The following ANAPC1 variants were observed in gnomAD, a reference collection of about 807,000 sequenced individuals.
ANAPC1 encodes the protein anaphase promoting complex subunit 1, also known as anaphase-promoting complex subunit 1.
A neutral mutation model predicts 208.0 loss-of-function variants in ANAPC1; 36 were observed. That is an observed-to-expected ratio of 0.17 (90% CI 0.13 to 0.23). ANAPC1 has a LOEUF of 0.23. Among genes scored for constraint, ANAPC1 ranks in the 10% least tolerant of loss-of-function variants. The pLI is 1.00. For synonymous variants in ANAPC1, 378 were observed against 695.2 expected (o/e 0.54, Z 7.18); for missense variants, 942 against 2,011.6 (o/e 0.47, Z 10.17).
In ANAPC1 at chr2:111,831,846, A is replaced by AAAAAAAAG. The variant is rs4019125; in HGVS notation, c.2477-413_2477-412insCTTTTTTT. 9.1e-5 allele frequency among the ~76,000 whole-genome samples: 8 copies of AAAAAAAAG among 88,258 alleles called. 1 individual carries two copies. Among genetic ancestry groups the AAAAAAAAG allele is most frequent in the South Asian group, 4.2e-4 (1 of 2,402 alleles). The allele number at this position is 88,258 out of a possible 152,430, so 57.9% of individuals were successfully genotyped here. A position where few individuals can be genotyped will look rare whatever the true frequency, so the allele number is the denominator to read the frequency against. On this transcript the variant is annotated intron_variant, in intron 20 of 47. Transcript: ENST00000341068. ...TGTCTCAAAAAAAAAAAAAAAAAAAAGAATAACGTTTTTCCATATTCTCCA... is the reference window on the plus strand; with the variant it reads ...TGTCTCAAAAAAAAAAAAAAAAAAAAAAAAAAAGGAATAACGTTTTTCCATATTCTCCA...
chr2:111,832,267 C>T (rs1309678226), intron 20 of ANAPC1, among the ~76,000 whole-genome samples: 3 of 146,974 alleles, frequency 2.0e-5, no homozygotes, highest in Non-Finnish European at 4.5e-5. Context: ...CGTACCACTG[C>T]ACTCCCGTCT....
chr2:111,865,786 C>G (rs1340196553), intron 7 of ANAPC1: 1 of 168,294 alleles, frequency 5.9e-6, no homozygotes, highest in Non-Finnish European at 1.3e-5. Context: ...CCCTCCAGTC[C>G]GTGCCTCCAA....
At chr2:111,807,206 A>T (rs959933543) in intron 29 of ANAPC1, among the ~76,000 whole-genome samples, 1 of 97,866 alleles carries the variant, frequency 1.0e-5, no homozygotes, top group African/African-American at 3.9e-5. Context: ...CTAAATAAAT[A>T]AATAAATAAT....
At chr2:111,858,998 T>A (rs563016931) in intron 10 of ANAPC1, among the ~76,000 whole-genome samples, 120 of 152,352 alleles carry the variant, frequency 7.9e-4, no homozygotes, top group African/African-American at 2.8e-3. Context: ...GTAAGCTCCC[T>A]ACTTGTAAAG....
chr2:111,802,343 G>C, intron 33 of ANAPC1, 85 bp downstream of exon 33: 2 of 1,238,310 alleles, frequency 1.6e-6, no homozygotes, highest in South Asian at 1.2e-5. Context: ...GATTACAGGC[G>C]TAAGCCACTG....
chr2:111,871,839 T>A (rs1255260024), intron 6 of ANAPC1, among the ~76,000 whole-genome samples: 1 of 152,232 alleles, frequency 6.6e-6, no homozygotes, highest in African/African-American at 2.4e-5. Context: ...GTACATTGAT[T>A]TTGTAATCTG....
intron 20 of ANAPC1, among the ~76,000 whole-genome samples, chr2:111,832,305 G>GAAAAAAAA (rs11431305): frequency 1.3e-5 from 1 of 76,818 alleles, no homozygotes; most frequent in African/African-American, 4.3e-5. Flanking sequence ...CCTGTCTCAA[G>GAAAAAAAA]AAAAAAAAAA....
intron 21 of ANAPC1, among the ~76,000 whole-genome samples, chr2:111,826,717 G>C (rs1415876671): frequency 6.7e-6 from 1 of 148,848 alleles, no homozygotes; most frequent in South Asian, 2.1e-4. Context: ...CTGGAGCGCA[G>C]TGGCACAATC....
chr2:111,775,833 G>T (rs1676980135), intron 46 of ANAPC1, among the ~76,000 whole-genome samples: 1 of 152,186 alleles, frequency 6.6e-6, no homozygotes, highest in Non-Finnish European at 1.5e-5. Context: ...GAAATAACAT[G>T]TTTTTCCCCA....
rs537535607 is a variant in ANAPC1, at chr2:111,866,353, T to G, written c.686-1402A>C. ...GTGAGATGTGCAATTCACAGAAAAG[T>G]CGTCAGGAATCCACCTTGTAAAGCC... On this transcript the variant is annotated intron_variant, in intron 7 of 47. Coordinates refer to ENST00000341068, the MANE Select transcript of ANAPC1 (RefSeq NM_022662.4). 94 of 281,534 alleles carry G rather than the reference T, an allele frequency of 3.3e-4. 1 individual carries two copies. The highest frequency in any genetic ancestry group is 5.8e-4 in the Non-Finnish European group (83 of 144,192). The allele number at this position is 281,534 out of a possible 1,614,324, so 17.4% of individuals were successfully genotyped here.
intron 10 of ANAPC1, among the ~76,000 whole-genome samples, chr2:111,859,410 GCGGTGAGCCAAGATCA>G (rs1241533233): frequency 6.6e-6 from 1 of 152,076 alleles, no homozygotes; most frequent in Non-Finnish European, 1.5e-5. Flanking sequence ...GGCAGAGGTT[GCGGTGAGCCAAGATCA>G]CGCCATTGCA....
intron 46 of ANAPC1, among the ~76,000 whole-genome samples, chr2:111,775,545 T>C (rs1676959863): frequency 6.6e-6 from 1 of 152,260 alleles, no homozygotes; most frequent in African/African-American, 2.4e-5. Flanking sequence ...AGTTTTTCAC[T>C]AAAAAATAAA....
chr2:111,836,676 G>A (rs1304262812), intron 18 of ANAPC1, among the ~76,000 whole-genome samples: 2 of 151,396 alleles, frequency 1.3e-5, no homozygotes, highest in Non-Finnish European at 2.9e-5. Context: ...AAATGAAAAT[G>A]TATGTCCACG....
chr2:111,835,732 T>C (rs1029805132), intron 18 of ANAPC1, among the ~76,000 whole-genome samples: 7 of 151,890 alleles, frequency 4.6e-5, no homozygotes, highest in East Asian at 1.9e-4. Flanking sequence ...GTCCCAGCTA[T>C]TGGGGAGGCT....
intron 18 of ANAPC1, 59 bp downstream of exon 18, chr2:111,838,379 G>T (rs1680585894): frequency 7.2e-7 from 1 of 1,379,324 alleles, no homozygotes; most frequent in African/African-American, 1.5e-5. Context: ...CACAGAAGTG[G>T]AAGAATAGTA....
chr2:111,808,625 C>T (rs1165304821), intron 29 of ANAPC1, among the ~76,000 whole-genome samples: 5 of 152,216 alleles, frequency 3.3e-5, no homozygotes, highest in African/African-American at 1.2e-4. Flanking sequence ...GTGCAGGCCA[C>T]TGGTAGACAC....
chr2:111,770,172 ACAT>A (rs1195072986), intron 47 of ANAPC1, among the ~76,000 whole-genome samples: 1 of 109,542 alleles, frequency 9.1e-6, no homozygotes, highest in African/African-American at 3.7e-5. Flanking sequence ...ACCTATAACT[ACAT>A]GTGAAACTAC....
intron 46 of ANAPC1, among the ~76,000 whole-genome samples, chr2:111,775,565 G>T (rs1296072673): frequency 6.6e-6 from 1 of 152,200 alleles, no homozygotes; most frequent in Non-Finnish European, 1.5e-5. Flanking sequence ...ACACATTTTT[G>T]ATAAATCTGT....
At chr2:111,832,028 A>G (rs1186090535) in intron 20 of ANAPC1, among the ~76,000 whole-genome samples, 1 of 146,288 alleles carries the variant, frequency 6.8e-6, no homozygotes, top group Non-Finnish European at 1.5e-5. Context: ...TGTGGTGGCT[A>G]ACACCTGTAA....
Sources: gnomAD v4.1 joint callset for allele counts (sites outside exome capture counted in the v4.1 genomes callset) on GRCh38, gnomAD v4.1.1 for gene constraint, MANE v1.5 for transcripts, NCBI Gene and HGNC (gene_info 2026-07-23, HGNC 2026-07-21) for gene names.